The following LRRC4C variants were observed in gnomAD, a reference collection of about 807,000 sequenced individuals.
The protein encoded by LRRC4C is leucine rich repeat containing 4C, also known as leucine-rich repeat-containing protein 4C.
In LRRC4C, 5 loss-of-function variants were observed where a neutral mutation model predicts 33.6. The observed-to-expected ratio is 0.15, with a 90% CI of 0.08 to 0.31. The LOEUF is 0.31. LRRC4C is among the 10% of genes least tolerant of loss of function. LRRC4C has a pLI of 1.00. For synonymous variants in LRRC4C, 329 were observed against 302.0 expected (o/e 1.09, Z -0.93); for missense variants, 560 against 796.7 (o/e 0.70, Z 3.58).
intron 1 of LRRC4C, among the ~76,000 whole-genome samples, chr11:41,279,882 CTATTA>C (rs1949608933): frequency 6.6e-6 from 1 of 151,420 alleles, no homozygotes; most frequent in African/African-American, 2.4e-5. Context: ...TTATTATACA[CTATTA>C]TATTATTGAA....
intron 1 of LRRC4C, among the ~76,000 whole-genome samples, chr11:41,254,256 G>A (rs1187617976): frequency 6.6e-6 from 1 of 152,018 alleles, no homozygotes; most frequent in African/African-American, 2.4e-5. Context: ...ATAGAATCAA[G>A]AAACCCTTTT....
intron 1 of LRRC4C, among the ~76,000 whole-genome samples, chr11:41,264,562 T>G (rs975901126): frequency 6.6e-6 from 1 of 152,098 alleles, no homozygotes; most frequent in Non-Finnish European, 1.5e-5. Flanking sequence ...ACCCACATCA[T>G]CATTTATAGC....
intron 3 of LRRC4C, among the ~76,000 whole-genome samples, chr11:40,486,154 TAAA>T (rs11415781): frequency 3.0e-5 from 4 of 133,454 alleles, no homozygotes; most frequent in Admixed American, 2.3e-4. Context: ...GACAAAAGTT[TAAA>T]AAAAAAAAAA....
intron 2 of LRRC4C, among the ~76,000 whole-genome samples, chr11:40,693,133 C>A (rs920783296): frequency 6.6e-6 from 1 of 152,062 alleles, no homozygotes; most frequent in African/African-American, 2.4e-5. Flanking sequence ...CACCTCTGCA[C>A]ACTTACATAC....
intron 1 of LRRC4C, among the ~76,000 whole-genome samples, chr11:41,078,873 C>T (rs1230147845): frequency 1.3e-5 from 2 of 152,168 alleles, no homozygotes; most frequent in East Asian, 1.9e-4. Flanking sequence ...TTCGCCACCT[C>T]AACTACTAAT....
At chr11:40,396,463 C>G (rs1171903387) in intron 3 of LRRC4C, among the ~76,000 whole-genome samples, 2 of 152,088 alleles carry the variant, frequency 1.3e-5, no homozygotes, top group Non-Finnish European at 2.9e-5. Flanking sequence ...ACTACCCTTA[C>G]TCTACCTTCA....
intron 3 of LRRC4C, among the ~76,000 whole-genome samples, chr11:40,359,566 C>T (rs1328036544): frequency 1.3e-5 from 2 of 152,160 alleles, no homozygotes; most frequent in Admixed American, 6.5e-5. Flanking sequence ...ACTATACTAT[C>T]TAAGGATCCT....
chr11:40,591,214 G>A (rs1305553703), intron 3 of LRRC4C, among the ~76,000 whole-genome samples: 2 of 152,166 alleles, frequency 1.3e-5, no homozygotes, highest in East Asian at 3.9e-4. Context: ...GAAAAGCGCA[G>A]TATTCGGGTG....
At chr11:40,808,563 T>C (rs1951348289) in intron 2 of LRRC4C, among the ~76,000 whole-genome samples, 1 of 152,176 alleles carries the variant, frequency 6.6e-6, no homozygotes, top group African/African-American at 2.4e-5. Context: ...GGGTGCTCTC[T>C]GTCTCCCCTG....
intron 3 of LRRC4C, among the ~76,000 whole-genome samples, chr11:40,527,597 C>A (rs938553205): frequency 8.5e-5 from 13 of 152,104 alleles, no homozygotes; most frequent in Non-Finnish European, 1.6e-4. Context: ...CAGTATCACA[C>A]TCTTTAAATT....
chr11:40,135,971 G>A (rs774252586), intron 6 of LRRC4C, among the ~76,000 whole-genome samples: 6 of 152,172 alleles, frequency 3.9e-5, no homozygotes, highest in Non-Finnish European at 8.8e-5. Context: ...AGCTGCACCT[G>A]ACATGTGAGC....
chr11:41,266,792 G>T (rs569979438), intron 1 of LRRC4C, among the ~76,000 whole-genome samples: 53 of 152,258 alleles, frequency 3.5e-4, no homozygotes, highest in African/African-American at 1.3e-3. Flanking sequence ...GTAGGAGCAA[G>T]TCTCCCTTCT....
At chr11:40,219,813 A>T (rs1864272007) in intron 5 of LRRC4C, among the ~76,000 whole-genome samples, 1 of 152,160 alleles carries the variant, frequency 6.6e-6, no homozygotes. Context: ...CAGAGTTGTA[A>T]GCTACAACAT....
At chr11:40,248,413 T>A (rs887246909) in intron 4 of LRRC4C, among the ~76,000 whole-genome samples, 3 of 152,198 alleles carry the variant, frequency 2.0e-5, no homozygotes, top group African/African-American at 7.2e-5. Flanking sequence ...TTTGGTAGCA[T>A]CCATGGTCTC....
intron 4 of LRRC4C, among the ~76,000 whole-genome samples, chr11:40,249,345 T>TA (rs1268828147): frequency 1.3e-5 from 2 of 151,690 alleles, no homozygotes; most frequent in African/African-American, 2.4e-5. Flanking sequence ...CTCAAAAAAA[T>TA]AAAAAATAAA....
At position 40,312,689 on chromosome 11, in the gene LRRC4C, G is replaced by A. The variant is rs770111316; in HGVS notation, c.-176+6939C>T. Among the ~76,000 whole-genome samples the A allele has an allele frequency of 7.2e-5, 11 of 152,248 alleles. No homozygotes were observed. The Middle Eastern group carries it at 0.01, about 141-fold the overall frequency. ...AGGGGTTCCTGTTTTAGTCTTATTTGCAAAAGGATTTTCCTTTACCTCTCA... is the reference window on the plus strand; with the variant it reads ...AGGGGTTCCTGTTTTAGTCTTATTTACAAAAGGATTTTCCTTTACCTCTCA... On this transcript the variant is annotated intron_variant, in intron 4 of 6. Transcript: ENST00000528697.
chr11:40,798,706 C>T (rs1212420104), intron 2 of LRRC4C, among the ~76,000 whole-genome samples: 1 of 149,690 alleles, frequency 6.7e-6, no homozygotes, highest in Non-Finnish European at 1.5e-5. Context: ...TACAATAGCA[C>T]GACCTCAGTT....
intron 1 of LRRC4C, among the ~76,000 whole-genome samples, chr11:41,062,511 TC>T (rs1937862208): frequency 6.6e-6 from 1 of 152,154 alleles, no homozygotes; most frequent in Non-Finnish European, 1.5e-5. Context: ...AATTTTTTTT[TC>T]CAAAATTATA....
chr11:40,770,618 C>T (rs1252436818), intron 2 of LRRC4C, among the ~76,000 whole-genome samples: 2 of 152,156 alleles, frequency 1.3e-5, no homozygotes, highest in African/African-American at 4.8e-5. Flanking sequence ...TGAGACAAGA[C>T]ATTTCCTTCT....
Sources: allele counts gnomAD v4.1 joint callset (sites outside exome capture counted in the v4.1 genomes callset), GRCh38; gene constraint gnomAD v4.1.1; transcripts MANE v1.5; gene names NCBI Gene and HGNC (gene_info 2026-07-23, HGNC 2026-07-21).